GLI3: variants seen among roughly 807,000 people sequenced by gnomAD.
GLI3 encodes GLI family zinc finger 3.
A neutral mutation model predicts 100.8 loss-of-function variants in GLI3; 20 were observed. The ratio of observed to expected loss-of-function variants is 0.20; its 90% CI spans 0.14 to 0.29. The LOEUF is 0.29. Among genes scored for constraint, GLI3 ranks in the 10% least tolerant of loss-of-function variants. GLI3 has a pLI of 1.00. For synonymous variants in GLI3, 938 were observed against 860.5 expected (o/e 1.09, Z -1.58); for missense variants, 2,040 against 2,128.5 (o/e 0.96, Z 0.82).
chr7:42,153,422 C>A (rs1038258853), intron 2 of GLI3, among the ~76,000 whole-genome samples: 2 of 152,100 alleles, frequency 1.3e-5, no homozygotes, highest in Non-Finnish European at 2.9e-5. Flanking sequence ...ATAAGATAAG[C>A]ATTCTAGGAC....
chr7:42,143,287 T>C (rs997231630), intron 3 of GLI3, among the ~76,000 whole-genome samples: 4 of 152,220 alleles, frequency 2.6e-5, no homozygotes, highest in South Asian at 2.1e-4. Context: ...TCATCAACTG[T>C]TCTCCAAAGA....
intron 3 of GLI3, among the ~76,000 whole-genome samples, chr7:42,131,429 T>G (rs1275335998): frequency 6.6e-6 from 1 of 152,222 alleles, no homozygotes; most frequent in East Asian, 1.9e-4. Flanking sequence ...ATAAAGCACT[T>G]GTTCGTAATG....
Position 42,047,894 on chromosome 7 carries a change from C to T in GLI3, c.679+597G>A, listed in dbSNP as rs111276800. 6.1e-4 allele frequency among the ~76,000 whole-genome samples: 93 copies of T among 152,344 alleles called. 1 individual carries two copies. Among genetic ancestry groups the T allele is most frequent in the African/African-American group, 2.0e-3 (84 of 41,576 alleles). The stretch of plus-strand genomic sequence containing the variant: ...ACTCAGAGTGTGGTCCAGGCACCAA[C>T]AGCACTGACATCATCGGCTTTTGAG... On this transcript the variant is annotated intron_variant, in intron 5 of 14. Transcript: ENST00000395925.
At chr7:42,044,911 A>G (rs1784213937) in intron 6 of GLI3, among the ~76,000 whole-genome samples, 1 of 152,262 alleles carries the variant, frequency 6.6e-6, no homozygotes, top group East Asian at 1.9e-4. Flanking sequence ...TTGGGGAGAC[A>G]GGGTCTCACT....
At chr7:42,241,699 C>T (rs761265392), upstream of GLI3, among the ~76,000 whole-genome samples, 5 of 152,180 alleles carry the variant, frequency 3.3e-5, no homozygotes, top group Non-Finnish European at 7.4e-5. Context: ...TCTGCTGTGT[C>T]CCTCTTCACC....
At chr7:42,017,895 T>C (rs1353122680) in intron 10 of GLI3, among the ~76,000 whole-genome samples, 1 of 152,228 alleles carries the variant, frequency 6.6e-6, no homozygotes, top group South Asian at 2.1e-4. Context: ...TTAGACCTAC[T>C]GCATGTGATC....
chr7:42,055,807 T>TA (rs1032301677), intron 4 of GLI3, among the ~76,000 whole-genome samples: 4 of 152,226 alleles, frequency 2.6e-5, no homozygotes, highest in African/African-American at 9.7e-5. Context: ...TTTTAATTTT[T>TA]AAAAACTACA....
At chr7:42,171,243 A>G (rs2128676592) in intron 2 of GLI3, among the ~76,000 whole-genome samples, 1 of 152,380 alleles carries the variant, frequency 6.6e-6, no homozygotes, top group Non-Finnish European at 1.5e-5. Context: ...CCACTGTCAC[A>G]GGCTTCACGA....
intron 3 of GLI3, among the ~76,000 whole-genome samples, chr7:42,117,349 C>T (rs1583572106): frequency 6.6e-6 from 1 of 152,182 alleles, no homozygotes; most frequent in East Asian, 1.9e-4. Context: ...TGCCTCTGGT[C>T]CTTTATTTAC....
intron 3 of GLI3, among the ~76,000 whole-genome samples, chr7:42,113,984 T>G (rs1023112295): frequency 4.6e-5 from 7 of 152,214 alleles, no homozygotes; most frequent in African/African-American, 1.7e-4. Context: ...CTTTCCACCT[T>G]TCAGCATAGG....
At chr7:41,977,504 C>T (rs74578991) in intron 12 of GLI3, 54 bp downstream of exon 12, 76,627 of 1,574,740 alleles carry the variant, frequency 0.049, 2,097 homozygotes, top group Non-Finnish European at 0.057. Context: ...GTGCCTTCCC[C>T]GGGATAGTTC....
At chr7:41,981,606 C>A (rs1406953875) in intron 10 of GLI3, among the ~76,000 whole-genome samples, 1 of 152,204 alleles carries the variant, frequency 6.6e-6, no homozygotes, top group Non-Finnish European at 1.5e-5. Context: ...CACTCCCAGG[C>A]CCCAGCTCCT....
At chr7:41,979,176 T>C (rs1464308741) in intron 10 of GLI3, among the ~76,000 whole-genome samples, 1 of 152,232 alleles carries the variant, frequency 6.6e-6, no homozygotes, top group Non-Finnish European at 1.5e-5. Flanking sequence ...TCTCACATGC[T>C]GGGCCATGGG....
At position 41,962,417 on chromosome 7, in the gene GLI3, G is replaced by A. The variant is rs1787034443; in HGVS notation, c.*1913C>T. ...GTCTTGCTTTTTCAACTGAAAAGTG[G>A]TAGAGCCTCTACTTTCCTATGCTCA... On this transcript the variant is annotated 3_prime_UTR_variant, in exon 15 of 15. Transcript: ENST00000395925. The A allele has an allele frequency of 6.6e-6, 1 of 152,210 alleles. No individual in the cohort carries two copies. Among genetic ancestry groups the A allele is most frequent in the African/African-American group, 2.4e-5 (1 of 41,452 alleles). The allele number at this position is 152,210 out of a possible 1,614,324, so 9.4% of individuals were successfully genotyped here. A position where few individuals can be genotyped will look rare whatever the true frequency, so the allele number is the denominator to read the frequency against.
At chr7:42,019,511 T>C (rs1393312204) in intron 10 of GLI3, among the ~76,000 whole-genome samples, 1 of 152,164 alleles carries the variant, frequency 6.6e-6, no homozygotes, top group Non-Finnish European at 1.5e-5. Flanking sequence ...ATAATAAACA[T>C]AAGCTAAACC....
intron 4 of GLI3, among the ~76,000 whole-genome samples, chr7:42,066,695 G>A (rs747450245): frequency 1.3e-5 from 2 of 152,148 alleles, no homozygotes; most frequent in Admixed American, 6.5e-5. Flanking sequence ...ATTCAATTGC[G>A]AGAATGGAGC....
intron 2 of GLI3, among the ~76,000 whole-genome samples, chr7:42,153,540 T>C (rs1048254000): frequency 1.7e-5 from 2 of 116,634 alleles, no homozygotes; most frequent in Admixed American, 1.2e-4. Context: ...CCAGCCAAAA[T>C]GAAGGGAGGA....
At chr7:42,071,636 G>A (rs1339695536) in intron 4 of GLI3, among the ~76,000 whole-genome samples, 3 of 152,096 alleles carry the variant, frequency 2.0e-5, no homozygotes, top group Non-Finnish European at 2.9e-5. Context: ...AGTAGCCCTG[G>A]TCATCTACTT....
At chr7:41,985,551 T>G (rs1420561218) in intron 10 of GLI3, among the ~76,000 whole-genome samples, 1 of 152,096 alleles carries the variant, frequency 6.6e-6, no homozygotes, top group Non-Finnish European at 1.5e-5. Flanking sequence ...AAGAAAAAAA[T>G]GGGAAAATAA....
Sources: allele counts gnomAD v4.1 joint callset (sites outside exome capture counted in the v4.1 genomes callset), GRCh38; gene constraint gnomAD v4.1.1; transcripts MANE v1.5; gene names NCBI Gene and HGNC (gene_info 2026-07-23, HGNC 2026-07-21).